Variants in HEBP1 observed in about 807,000 individuals in gnomAD.
HEBP1 encodes heme-binding protein 1.
In HEBP1, 13 loss-of-function variants were observed where a neutral mutation model predicts 20.4. The observed-to-expected ratio is 0.64, with a 90% CI of 0.42 to 1.01. The LOEUF (loss-of-function observed/expected upper bound fraction) is 1.01. Among genes scored for constraint, HEBP1 ranks in the 50% least tolerant of loss-of-function variants. The pLI is 0.00. For synonymous variants in HEBP1, 92 were observed against 90.7 expected, an observed-to-expected ratio of 1.01 and a Z score of -0.08; for missense variants, 241 against 247.3, an observed-to-expected ratio of 0.97 and a Z score of 0.17.
Position 13,000,170 on chromosome 12 carries a change from G to C in HEBP1, c.-56C>G. 1.6e-6 allele frequency: 2 copies of C among 1,286,372 alleles called. No individual in the cohort carries two copies. The highest frequency in any genetic ancestry group is 2.6e-5 in the South Asian group (2 of 76,726). The allele number at this position is 1,286,372 out of a possible 1,614,324, so 79.7% of individuals were successfully genotyped here. A position where few individuals can be genotyped will look rare whatever the true frequency, so the allele number is the denominator to read the frequency against. ...AGGACGTGAGGTGGCGGGGGCGACGGAGCACCACGGGCAGCGACCACCGGC... is the reference window on the plus strand; with the variant it reads ...AGGACGTGAGGTGGCGGGGGCGACGCAGCACCACGGGCAGCGACCACCGGC... On this transcript the variant is annotated 5_prime_UTR_variant, in exon 1 of 4. Transcript: ENST00000014930.
intron 3 of HEBP1, among the ~76,000 whole-genome samples, chr12:12,981,798 C>T (rs1279829277): frequency 6.6e-6 from 1 of 152,092 alleles, no homozygotes; most frequent in Non-Finnish European, 1.5e-5. Context: ...TCTCAGGCTC[C>T]ATGCTGAGTC....
intron 1 of HEBP1, among the ~76,000 whole-genome samples, chr12:12,995,440 T>A (rs1282211843): frequency 6.6e-6 from 1 of 152,046 alleles, no homozygotes; most frequent in Non-Finnish European, 1.5e-5. Flanking sequence ...TAAAACCTAG[T>A]TTTACTCTAA....
chr12:12,983,803 C>T (rs1864116947), intron 3 of HEBP1: 1 of 455,638 alleles, frequency 2.2e-6, no homozygotes, highest in African/African-American at 2.0e-5. Context: ...CCGTATACCC[C>T]TTCCCACCAT....
At chr12:12,987,644 T>TCTC (rs1864171235) in intron 2 of HEBP1, among the ~76,000 whole-genome samples, 1 of 139,888 alleles carries the variant, frequency 7.1e-6, no homozygotes. Flanking sequence ...CTTTCTTTCT[T>TCTC]TCTTCCGACA....
chr12:12,999,387 G>T (rs1326371683), intron 1 of HEBP1, among the ~76,000 whole-genome samples: 10 of 152,172 alleles, frequency 6.6e-5, no homozygotes, highest in Admixed American at 3.3e-4. Context: ...TAAAATAAGG[G>T]TTACTTCAAT....
intron 2 of HEBP1, among the ~76,000 whole-genome samples, chr12:12,987,650 C>T (rs850925): frequency 0.77 from 114,570 of 147,848 alleles, 46,588 homozygotes; most frequent in East Asian, 0.98. Context: ...TTCTTTCTTC[C>T]GACAGTCTTG....
In HEBP1 at chr12:12,986,339, G is replaced by A. The variant is rs992507381; in HGVS notation, c.398+813C>T. On this transcript the variant is annotated intron_variant, in intron 3 of 3. Transcript: ENST00000014930. This position sits in a 1 kb window ranked among gnomAD's most constrained non-coding sequence, Gnocchi z 4.3. ...GGTTGCAGCAGGGCAGCCAAGTTTG[G>A]AGGTCCCTGAAGTGGACCAATACTC... 1.3e-5 allele frequency: 2 copies of A among 152,266 alleles called. No homozygotes were observed. Among genetic ancestry groups the A allele is most frequent in the East Asian group, 1.9e-4 (1 of 5,200 alleles). The allele number at this position is 152,266 out of a possible 1,614,324, so 9.4% of individuals were successfully genotyped here.
chr12:12,993,522 A>T (rs780402114), intron 1 of HEBP1, among the ~76,000 whole-genome samples: 1 of 137,154 alleles, frequency 7.3e-6, no homozygotes, highest in African/African-American at 2.8e-5. Context: ...TCTCTCTTTC[A>T]GATGGGGTCT....
In HEBP1 at chr12:12,986,169, C is replaced by T. The variant is rs931358858; in HGVS notation, c.398+983G>A. On this transcript the variant is annotated intron_variant, in intron 3 of 3. Transcript: ENST00000014930. The surrounding 1 kb of genome is among the most constrained non-coding windows in gnomAD (Gnocchi z 4.3). ...AGGACAAGCACAGGAGCTGAGGCTC[C>T]GGTGCTAGCTCCCAGCTGCATTACA... 1.3e-5 allele frequency: 2 copies of T among 152,250 alleles called. No homozygotes were observed. The highest frequency in any genetic ancestry group is 1.9e-4 in the East Asian group (1 of 5,190). The allele number at this position is 152,250 out of a possible 1,614,324, so 9.4% of individuals were successfully genotyped here.
At chr12:12,988,487 G>A (rs1316539925) in intron 2 of HEBP1, among the ~76,000 whole-genome samples, 4 of 152,106 alleles carry the variant, frequency 2.6e-5, no homozygotes, top group Non-Finnish European at 5.9e-5. Flanking sequence ...AGACAGAGCA[G>A]CTCCTAGTAA....
At chr12:12,981,072 G>A (rs1453100704) in intron 3 of HEBP1, among the ~76,000 whole-genome samples, 1 of 152,218 alleles carries the variant, frequency 6.6e-6, no homozygotes, top group Non-Finnish European at 1.5e-5. Context: ...AATCATTTGT[G>A]CAAGAGATGA....
chr12:12,981,859 A>G (rs1864087206), intron 3 of HEBP1, among the ~76,000 whole-genome samples: 1 of 152,218 alleles, frequency 6.6e-6, no homozygotes, highest in Non-Finnish European at 1.5e-5. Flanking sequence ...TAGGCTGGAA[A>G]GTTACCAACA....
At chr12:12,980,803 T>TCAAAC (rs1864071159) in intron 3 of HEBP1, among the ~76,000 whole-genome samples, 1 of 152,216 alleles carries the variant, frequency 6.6e-6, no homozygotes, top group Non-Finnish European at 1.5e-5. Context: ...TACTGCCTGG[T>TCAAAC]CAAACATTTG....
rs1022412720 is a variant in HEBP1 at position 12,998,931 on chromosome 12, A to G, written c.78+1106T>C. On this transcript the variant is annotated intron_variant, in intron 1 of 3. Coordinates refer to ENST00000014930, the MANE Select transcript of HEBP1 (RefSeq NM_015987.5). This position sits in a 1 kb window ranked among gnomAD's most constrained non-coding sequence, Gnocchi z 4.2. ...ACTCATTCTGTATTCTAGGTACCCA[A>G]CTCCAGAGGATCTAACTGGCCAAAA... Among the ~76,000 whole-genome samples the G allele has an allele frequency of 1.3e-5, 2 of 152,070 alleles. No individual in the cohort carries two copies. The highest frequency in any genetic ancestry group is 2.9e-5 in the Non-Finnish European group (2 of 68,010).
At chr12:12,982,137 T>A (rs1232867578) in intron 3 of HEBP1, among the ~76,000 whole-genome samples, 1 of 152,190 alleles carries the variant, frequency 6.6e-6, no homozygotes, top group Non-Finnish European at 1.5e-5. Flanking sequence ...AACAGCTTCT[T>A]ATTGAACACT....
At chr12:12,985,685 A>G (rs1461388736) in intron 3 of HEBP1, 5 of 152,144 alleles carry the variant, frequency 3.3e-5, no homozygotes, top group African/African-American at 1.2e-4. Context: ...TAGGTAATAC[A>G]TAAATAGTAT....
intron 3 of HEBP1, among the ~76,000 whole-genome samples, chr12:12,977,894 G>A (rs993909495): frequency 1.3e-5 from 2 of 152,160 alleles, no homozygotes; most frequent in South Asian, 4.1e-4. Context: ...GGTCACTGAT[G>A]TACACTGAGC....
chr12:12,976,612 C>T (rs997836783), intron 3 of HEBP1, among the ~76,000 whole-genome samples: 1 of 152,220 alleles, frequency 6.6e-6, no homozygotes, highest in African/African-American at 2.4e-5. Flanking sequence ...GCTGGACAAG[C>T]ATTCAGCATG....
At chr12:12,981,747 T>A (rs1036118698) in intron 3 of HEBP1, among the ~76,000 whole-genome samples, 1 of 152,120 alleles carries the variant, frequency 6.6e-6, no homozygotes, top group African/African-American at 2.4e-5. Context: ...AAATCCACTA[T>A]CTTTTGAATG....
Sources: gnomAD v4.1 joint callset for allele counts (sites outside exome capture counted in the v4.1 genomes callset) on GRCh38, gnomAD v4.1.1 for gene constraint, Gnocchi (gnomAD v3.1) non-coding constraint, MANE v1.5 for transcripts, NCBI Gene and HGNC (gene_info 2026-07-23, HGNC 2026-07-21) for gene names.